Variants in ZSCAN25 observed in about 807,000 individuals in gnomAD.
The protein encoded by ZSCAN25 is zinc finger and SCAN domain-containing protein 25.
A neutral mutation model predicts 38.7 loss-of-function variants in ZSCAN25; 27 were observed. That is an observed-to-expected ratio of 0.70 (90% confidence interval 0.51 to 0.96). The LOEUF is 0.96. Among genes scored for constraint, ZSCAN25 ranks in the 40% least tolerant of loss-of-function variants. The pLI is 0.00. For synonymous variants in ZSCAN25, 273 were observed against 277.7 expected (o/e 0.98, Z 0.17); for missense variants, 637 against 705.9 (o/e 0.90, Z 1.11).
chr7:99,642,364 C>G, the ZSCAN25 span, among the ~76,000 whole-genome samples: 1 of 152,174 alleles, frequency 6.6e-6, no homozygotes, highest in Non-Finnish European at 1.5e-5. Flanking sequence ...GAACCTCCAC[C>G]ACATTGACAG....
chr7:99,699,586 C>T, the ZSCAN25 span, among the ~76,000 whole-genome samples: 5 of 152,190 alleles, frequency 3.3e-5, no homozygotes, highest in African/African-American at 1.2e-4. Flanking sequence ...CTCCTGCCCC[C>T]AGAATCCCGA....
chr7:99,707,938 G>T, the ZSCAN25 span: 2 of 1,613,946 alleles, frequency 1.2e-6, no homozygotes. Flanking sequence ...GTGTGTATAT[G>T]TAAGGATCTA....
the ZSCAN25 span, among the ~76,000 whole-genome samples, chr7:99,675,127 G>A: frequency 1.2e-4 from 19 of 152,238 alleles, no homozygotes; most frequent in Admixed American, 3.3e-4. Flanking sequence ...GAGAAAGTGA[G>A]TGAGTGAATG....
chr7:99,632,989 G>GTT (rs751799800), downstream of ZSCAN25, among the ~76,000 whole-genome samples: 10 of 128,538 alleles, frequency 7.8e-5, no homozygotes, highest in Non-Finnish European at 9.6e-5. Context: ...ATTTTCTGTT[G>GTT]TTTTTTTTTT....
At chr7:99,698,215 T>C in the ZSCAN25 span, among the ~76,000 whole-genome samples, 9 of 152,332 alleles carry the variant, frequency 5.9e-5, no homozygotes, top group African/African-American at 1.7e-4. Context: ...GCACCAGCAT[T>C]GTCTAAGGCT....
At chr7:99,654,083 G>T in the ZSCAN25 span, among the ~76,000 whole-genome samples, 1 of 146,400 alleles carries the variant, frequency 6.8e-6, no homozygotes, top group African/African-American at 2.7e-5. Context: ...TGAGGTTTTT[G>T]AATTTTTTTT....
chr7:99,652,817 T>C, the ZSCAN25 span: 1 of 1,521,848 alleles, frequency 6.6e-7, no homozygotes, highest in African/African-American at 1.4e-5. Flanking sequence ...ATCTGAGATT[T>C]TGAATTAACT....
At chr7:99,687,997 G>C in the ZSCAN25 span, among the ~76,000 whole-genome samples, 1 of 152,114 alleles carries the variant, frequency 6.6e-6, no homozygotes, top group Admixed American at 6.5e-5. Context: ...CACCAGGCCT[G>C]CCCTAAAAGA....
the ZSCAN25 span, among the ~76,000 whole-genome samples, chr7:99,709,786 G>T: frequency 0.01 from 1,574 of 151,832 alleles, 32 homozygotes; most frequent in African/African-American, 0.036. Context: ...GTGTGTGTGT[G>T]TGTATATATA....
the ZSCAN25 span, among the ~76,000 whole-genome samples, chr7:99,706,122 G>A: frequency 2.6e-5 from 4 of 152,130 alleles, no homozygotes; most frequent in East Asian, 5.8e-4. Flanking sequence ...AAGCATTATC[G>A]TTTTATTTTT....
the ZSCAN25 span, among the ~76,000 whole-genome samples, chr7:99,709,705 C>T: frequency 1.4e-4 from 22 of 152,156 alleles, no homozygotes; most frequent in African/African-American, 5.3e-4. Context: ...GGCCAAACTT[C>T]TGGTTCATAA....
the ZSCAN25 span, among the ~76,000 whole-genome samples, chr7:99,654,269 C>G: frequency 6.6e-6 from 1 of 151,612 alleles, no homozygotes. Flanking sequence ...GTGTGATATT[C>G]CCCTTCCTGT....
At chr7:99,662,384 A>G in the ZSCAN25 span, among the ~76,000 whole-genome samples, 64 of 152,334 alleles carry the variant, frequency 4.2e-4, 1 homozygote, top group South Asian at 6.8e-3. This position sits in a 1 kb window ranked among gnomAD's most constrained non-coding sequence, Gnocchi z 4.3. Flanking sequence ...TTTCAAAGGG[A>G]AAAATAAAAC....
chr7:99,653,394 T>C, the ZSCAN25 span, among the ~76,000 whole-genome samples: 1 of 152,018 alleles, frequency 6.6e-6, no homozygotes, highest in Non-Finnish European at 1.5e-5. This position sits in a 1 kb window ranked among gnomAD's most constrained non-coding sequence, Gnocchi z 4.2. Flanking sequence ...GAGTTTGCAG[T>C]GAGCTGAGAT....
At chr7:99,704,520 G>A in the ZSCAN25 span, among the ~76,000 whole-genome samples, 9 of 151,994 alleles carry the variant, frequency 5.9e-5, no homozygotes, top group Admixed American at 2.6e-4. Context: ...TGAACTCCTG[G>A]CCTCAGATGA....
the ZSCAN25 span, among the ~76,000 whole-genome samples, chr7:99,658,595 G>T: frequency 0.068 from 10,324 of 152,044 alleles, 494 homozygotes; most frequent in African/African-American, 0.13. Context: ...TCTTTGTGGC[G>T]TTCTCTGTAT....
At chr7:99,688,201 G>T in the ZSCAN25 span, among the ~76,000 whole-genome samples, 1 of 152,172 alleles carries the variant, frequency 6.6e-6, no homozygotes, top group Non-Finnish European at 1.5e-5. Context: ...TGGGCTAAAT[G>T]CTCCAATTAA....
At chr7:99,713,325 G>A in the ZSCAN25 span, 4 of 1,297,858 alleles carry the variant, frequency 3.1e-6, no homozygotes, top group Non-Finnish European at 4.3e-6. Context: ...GTTGCCTCCA[G>A]CTACCATTTT....
At chr7:99,660,578 A>T in the ZSCAN25 span, 6 of 1,613,956 alleles carry the variant, frequency 3.7e-6, no homozygotes, top group East Asian at 2.2e-5. Flanking sequence ...ATATAAAGTG[A>T]AGGAAAGAAC....
Sources: allele counts gnomAD v4.1 joint callset (sites outside exome capture counted in the v4.1 genomes callset), GRCh38; gene constraint gnomAD v4.1.1; non-coding constraint Gnocchi (gnomAD v3.1); transcripts MANE v1.5; gene names NCBI Gene and HGNC (gene_info 2026-07-23, HGNC 2026-07-21).